CEP85L: variants seen among roughly 807,000 people sequenced by gnomAD.
The protein encoded by CEP85L is centrosomal protein 85L.
In CEP85L, 60 loss-of-function variants were observed where a neutral mutation model predicts 100.3. The observed-to-expected ratio is 0.60, with a 90% CI of 0.49 to 0.74. CEP85L has a LOEUF of 0.74. Among genes scored for constraint, CEP85L ranks in the 30% least tolerant of loss-of-function variants. The probability of loss-of-function intolerance (pLI) is 0.00; values close to 1 mark genes in which losing one functional copy is unlikely to be tolerated. For missense variants in CEP85L, 973 were observed against 936.2 expected, an observed-to-expected ratio of 1.04 and a Z score of -0.51; for synonymous variants, 319 against 322.7, an observed-to-expected ratio of 0.99 and a Z score of 0.12.
intron 3 of CEP85L, among the ~76,000 whole-genome samples, chr6:118,549,768 T>C (rs571300001): frequency 6.6e-6 from 1 of 151,964 alleles, no homozygotes; most frequent in Non-Finnish European, 1.5e-5. Flanking sequence ...TCAAATTGGG[T>C]GTTCACGAGT....
intron 3 of CEP85L, among the ~76,000 whole-genome samples, chr6:118,557,824 T>G (rs1053547709): frequency 1.5e-4 from 23 of 152,248 alleles, no homozygotes; most frequent in African/African-American, 5.5e-4. Flanking sequence ...CCCACCGTAT[T>G]TGAATTGTTT....
chr6:118,480,353 C>T (rs1042139708), intron 9 of CEP85L, 43 bp downstream of exon 9: 12 of 1,064,580 alleles, frequency 1.1e-5, no homozygotes, highest in Admixed American at 3.7e-5. Flanking sequence ...CACATATCCA[C>T]ATAGCATAGA....
Position 118,559,024 on chromosome 6 carries a change from TTC to T in CEP85L, c.1020+6503_1020+6504del, listed in dbSNP as rs747947483. On this transcript the variant is annotated intron_variant, in intron 3 of 12. Transcript: ENST00000368491. ...AAAGCTACAGAATCTATTTATCAAT[TTC>T]TGTCTCATCTTAATATGTCTCTTGC... is the stretch of plus-strand genomic sequence containing the variant. 1.9e-6 allele frequency: 3 copies of T among 1,610,516 alleles called. No individual in the cohort carries two copies. Among genetic ancestry groups the T allele is most frequent in the South Asian group, 1.1e-5 (1 of 91,010 alleles).
At chr6:118,560,379 A>G (rs1779153628) in intron 3 of CEP85L, 1 of 166,998 alleles carries the variant, frequency 6.0e-6, no homozygotes, top group Admixed American at 6.5e-5. Context: ...AAATCATAAG[A>G]AAGAGAAAAT....
upstream of CEP85L, among the ~76,000 whole-genome samples, chr6:118,656,089 G>A (rs144710118): frequency 1.8e-4 from 28 of 152,316 alleles, 1 homozygote; most frequent in East Asian, 4.6e-3. Flanking sequence ...TTAGGGTTCA[G>A]CTAAGACTGG....
At chr6:118,643,826 G>A (rs1393588171) in intron 1 of CEP85L, among the ~76,000 whole-genome samples, 1 of 152,170 alleles carries the variant, frequency 6.6e-6, no homozygotes, top group Non-Finnish European at 1.5e-5. Context: ...TCTGAGGGGC[G>A]AGAACACTGT....
intron 2 of CEP85L, among the ~76,000 whole-genome samples, chr6:118,614,491 C>G (rs1772879447): frequency 6.6e-6 from 1 of 152,158 alleles, no homozygotes; most frequent in African/African-American, 2.4e-5. Flanking sequence ...TCTACCAAAA[C>G]AAACTCTTAG....
chr6:118,583,428 GACTT>G (rs1780685298), intron 2 of CEP85L, among the ~76,000 whole-genome samples: 1 of 152,126 alleles, frequency 6.6e-6, no homozygotes, highest in South Asian at 2.1e-4. Context: ...CAGATGGGGA[GACTT>G]ACTATTTAAA....
At chr6:118,478,372 T>C (rs1181779258) in intron 10 of CEP85L, among the ~76,000 whole-genome samples, 1 of 152,110 alleles carries the variant, frequency 6.6e-6, no homozygotes, top group African/African-American at 2.4e-5. Flanking sequence ...TGAGTCATAT[T>C]CATCTCCAGC....
chr6:118,600,298 G>T (rs865898353), intron 2 of CEP85L, among the ~76,000 whole-genome samples: 1 of 59,198 alleles, frequency 1.7e-5, no homozygotes, highest in African/African-American at 5.7e-5. Context: ...AGCCTTCCTG[G>T]GGGTGTGTGT....
chr6:118,630,483 C>T (rs893195256), intron 2 of CEP85L, among the ~76,000 whole-genome samples: 4 of 152,194 alleles, frequency 2.6e-5, no homozygotes, highest in East Asian at 1.9e-4. Context: ...AACCTACACA[C>T]GGCTGTTTAC....
At chr6:118,575,068 G>A (rs1341354975) in intron 2 of CEP85L, among the ~76,000 whole-genome samples, 3 of 152,050 alleles carry the variant, frequency 2.0e-5, no homozygotes, top group African/African-American at 7.2e-5. Context: ...AGAAACTCGA[G>A]TTGAGCCGTA....
At position 118,566,568 on chromosome 6, in the gene CEP85L, C is replaced by G. The variant is rs141998748; in HGVS notation, c.233-252G>C. ...GAGTAGCAGGGATTCCAGGCGCCTG[C>G]CAGCACGCCCGACTAATTTTTTGTA... On this transcript the variant is annotated intron_variant, in intron 2 of 12. Transcript: ENST00000368491. Among the ~76,000 whole-genome samples, 99 of 152,230 alleles carry G rather than the reference C, an allele frequency of 6.5e-4. 4 individuals carry two copies. In the East Asian group the frequency reaches 0.015, roughly 24 times the overall value.
intron 2 of CEP85L, among the ~76,000 whole-genome samples, chr6:118,607,037 T>C (rs138046863): frequency 2.7e-3 from 405 of 152,250 alleles, no homozygotes; most frequent in Non-Finnish European, 5.0e-3. Context: ...TGTGGCACCA[T>C]AGCCATGGGG....
intron 10 of CEP85L, among the ~76,000 whole-genome samples, chr6:118,475,636 G>A (rs1296735559): frequency 1.3e-5 from 2 of 152,038 alleles, no homozygotes; most frequent in African/African-American, 4.8e-5. Context: ...TGACAGGTGT[G>A]AGCCACCACG....
At chr6:118,558,703 G>A in intron 3 of CEP85L, 3 of 529,190 alleles carry the variant, frequency 5.7e-6, no homozygotes, top group Non-Finnish European at 1.0e-5. Flanking sequence ...AGAGACTATA[G>A]AAACATGATG....
At chr6:118,602,164 T>C (rs990659633) in intron 2 of CEP85L, among the ~76,000 whole-genome samples, 2 of 152,108 alleles carry the variant, frequency 1.3e-5, no homozygotes, top group Non-Finnish European at 2.9e-5. Flanking sequence ...CCTGCCTAAG[T>C]ATGAGGGTCT....
intron 3 of CEP85L, chr6:118,559,635 A>G (rs1361746118): frequency 5.9e-6 from 1 of 169,518 alleles, no homozygotes; most frequent in Non-Finnish European, 1.4e-5. Flanking sequence ...TCTACATTCT[A>G]AAACAGAAAT....
chr6:118,584,350 C>T (rs1780740629), intron 2 of CEP85L, among the ~76,000 whole-genome samples: 1 of 152,132 alleles, frequency 6.6e-6, no homozygotes, highest in East Asian at 1.9e-4. Context: ...CTTTCCCCTC[C>T]CCAAAACCCT....
Sources: allele counts gnomAD v4.1 joint callset (sites outside exome capture counted in the v4.1 genomes callset), GRCh38; gene constraint gnomAD v4.1.1; transcripts MANE v1.5; gene names NCBI Gene and HGNC (gene_info 2026-07-23, HGNC 2026-07-21).